Variants in FSTL4 observed in about 807,000 individuals in gnomAD.
FSTL4 encodes the protein follistatin-related protein 4.
A neutral mutation model predicts 78.2 loss-of-function variants in FSTL4; 28 were observed. The ratio of observed to expected loss-of-function variants is 0.36; its 90% CI spans 0.27 to 0.49. FSTL4 has a LOEUF of 0.49. Among genes scored for constraint, FSTL4 ranks in the 20% least tolerant of loss-of-function variants. The pLI, the probability that FSTL4 is intolerant of heterozygous loss-of-function variation, is 0.98. For missense variants in FSTL4, 922 were observed against 1,084.9 expected (o/e 0.85, Z 2.11); for synonymous variants, 422 against 440.5 (o/e 0.96, Z 0.53).
the FSTL4 span, among the ~76,000 whole-genome samples, chr5:133,829,210 C>T: frequency 2.6e-5 from 4 of 152,148 alleles, no homozygotes; most frequent in East Asian, 1.9e-4. Context: ...GCCAAAACAG[C>T]GAAACCCTGT....
the FSTL4 span, among the ~76,000 whole-genome samples, chr5:133,757,473 A>G: frequency 6.6e-6 from 1 of 152,240 alleles, no homozygotes; most frequent in Admixed American, 6.5e-5. Flanking sequence ...TTGCTTTAGA[A>G]TGTGGGATAC....
the FSTL4 span, among the ~76,000 whole-genome samples, chr5:133,773,310 T>G: frequency 6.6e-6 from 1 of 151,810 alleles, no homozygotes; most frequent in Non-Finnish European, 1.5e-5. Flanking sequence ...GCCACTGTCT[T>G]GATTTGTCCT....
chr5:133,724,496 T>TG, the FSTL4 span, among the ~76,000 whole-genome samples: 98 of 8,546 alleles, frequency 0.011, no homozygotes, highest in Middle Eastern at 0.11. Flanking sequence ...TTTTCCTGGG[T>TG]GGGGGGGCGG....
rs1750208998 is a variant in FSTL4, at chr5:133,198,496, A to G, written c.*599T>C. The G allele has an allele frequency of 6.6e-6, 1 of 152,502 alleles. No homozygotes were observed. Among genetic ancestry groups the G allele is most frequent in the African/African-American group, 2.4e-5 (1 of 41,394 alleles). The allele number at this position is 152,502 out of a possible 1,614,324, so 9.4% of individuals were successfully genotyped here. A position where few individuals can be genotyped will look rare whatever the true frequency, so the allele number is the denominator to read the frequency against. On this transcript the variant is annotated 3_prime_UTR_variant, in exon 16 of 16. Transcript: ENST00000265342. ...ATTATAAAATTTTTTTTTAATCAAA[A>G]ATTTCCAAAATAAAGTGAGTGATTT...
intron 6 of FSTL4, among the ~76,000 whole-genome samples, chr5:133,274,155 G>A (rs960956564): frequency 6.6e-6 from 1 of 152,168 alleles, no homozygotes; most frequent in Non-Finnish European, 1.5e-5. Flanking sequence ...GGCAGGCAGG[G>A]ATGTTATTTA....
In FSTL4 at chr5:133,582,930, G is replaced by A. The variant is rs114359708; in HGVS notation, c.127-15711C>T. On this transcript the variant is annotated intron_variant, in intron 2 of 15. Transcript: ENST00000265342. ...TCACTAGCCATGGCCATCCCATAGC[G>A]CAGGGGTGCTCATCCACCTAGATGA... Among the ~76,000 whole-genome samples the A allele has an allele frequency of 6.3e-3, 952 of 152,240 alleles. 3 individuals are homozygous for A. Among genetic ancestry groups the A allele is most frequent in the Non-Finnish European group, 0.011 (755 of 68,018 alleles).
intron 6 of FSTL4, among the ~76,000 whole-genome samples, chr5:133,279,907 A>G (rs1391991067): frequency 6.6e-6 from 1 of 152,224 alleles, no homozygotes; most frequent in African/African-American, 2.4e-5. Context: ...AGGAGAAGAC[A>G]TGGGGGACAA....
At chr5:133,254,265 C>A (rs955388349) in intron 6 of FSTL4, among the ~76,000 whole-genome samples, 6 of 152,254 alleles carry the variant, frequency 3.9e-5, no homozygotes, top group Non-Finnish European at 8.8e-5. Flanking sequence ...TTGGTGGCCC[C>A]ACACTCACAT....
chr5:133,373,675 TC>T (rs909300852), intron 4 of FSTL4, among the ~76,000 whole-genome samples: 1 of 152,110 alleles, frequency 6.6e-6, no homozygotes, highest in Admixed American at 6.5e-5. Context: ...AAACCTACCC[TC>T]CCTTCTTGGG....
intron 12 of FSTL4, 57 bp downstream of exon 12, chr5:133,220,691 A>G: frequency 1.1e-6 from 1 of 896,758 alleles, no homozygotes; most frequent in Non-Finnish European, 1.9e-6. Context: ...TTAAAGATAG[A>G]CTTTTAGGAT....
At chr5:133,601,421 TGA>T (rs1265643348) in intron 2 of FSTL4, among the ~76,000 whole-genome samples, 1 of 152,156 alleles carries the variant, frequency 6.6e-6, no homozygotes, top group Non-Finnish European at 1.5e-5. Context: ...AGACCAGGTG[TGA>T]CCAAGAGTGG....
At chr5:133,441,111 G>C (rs1757151145) in intron 3 of FSTL4, among the ~76,000 whole-genome samples, 3 of 152,148 alleles carry the variant, frequency 2.0e-5, no homozygotes, top group Non-Finnish European at 4.4e-5. Flanking sequence ...ATGGGGAAAT[G>C]AAAGAAGGGA....
chr5:133,393,610 A>T (rs1755914391), intron 4 of FSTL4, among the ~76,000 whole-genome samples: 1 of 152,252 alleles, frequency 6.6e-6, no homozygotes, highest in East Asian at 1.9e-4. Context: ...CTGGAGGGAC[A>T]GGAAAGGGAG....
chr5:133,296,080 C>T (rs1340467592), intron 6 of FSTL4, among the ~76,000 whole-genome samples: 1 of 152,196 alleles, frequency 6.6e-6, no homozygotes, highest in Non-Finnish European at 1.5e-5. Flanking sequence ...AACTCCTGAT[C>T]TTCCCTCCCA....
chr5:133,551,414 C>T (rs1204026570), intron 3 of FSTL4, among the ~76,000 whole-genome samples: 1 of 152,172 alleles, frequency 6.6e-6, no homozygotes, highest in Admixed American at 6.5e-5. Flanking sequence ...AATACTGCGA[C>T]TCAGAAAGCA....
intron 3 of FSTL4, among the ~76,000 whole-genome samples, chr5:133,445,791 G>C (rs1390137421): frequency 6.6e-6 from 1 of 152,058 alleles, no homozygotes; most frequent in African/African-American, 2.4e-5. Flanking sequence ...AGAAATTCTT[G>C]GGGATTATTT....
At chr5:133,778,981 G>A in the FSTL4 span, among the ~76,000 whole-genome samples, 1 of 152,220 alleles carries the variant, frequency 6.6e-6, no homozygotes, top group Admixed American at 6.5e-5. Context: ...GGGTTCAGAG[G>A]AAGGTTACTT....
At chr5:133,554,135 G>A (rs1010358191) in intron 3 of FSTL4, among the ~76,000 whole-genome samples, 1 of 152,202 alleles carries the variant, frequency 6.6e-6, no homozygotes, top group African/African-American at 2.4e-5. Flanking sequence ...AAGCAAGCCC[G>A]ACCTTGCAAG....
At chr5:133,735,168 T>A in the FSTL4 span, among the ~76,000 whole-genome samples, 6 of 151,742 alleles carry the variant, frequency 4.0e-5, no homozygotes, top group African/African-American at 1.2e-4. Context: ...AACATGAATT[T>A]AGAAAAAAAA....
Sources: allele counts gnomAD v4.1 joint callset (sites outside exome capture counted in the v4.1 genomes callset), GRCh38; gene constraint gnomAD v4.1.1; transcripts MANE v1.5; gene names NCBI Gene and HGNC (gene_info 2026-07-23, HGNC 2026-07-21).